The following CNGB3 variants were observed in gnomAD, a reference collection of about 807,000 sequenced individuals.
CNGB3 encodes the protein cyclic nucleotide gated channel subunit beta 3.
In CNGB3, 86 loss-of-function variants were observed where a neutral mutation model predicts 92.8. The ratio of observed to expected loss-of-function variants is 0.93; its 90% CI spans 0.78 to 1.11. The LOEUF is 1.11. Among genes scored for constraint, CNGB3 ranks in the 50% least tolerant of loss-of-function variants. CNGB3 has a pLI of 0.00. For synonymous variants in CNGB3, 333 were observed against 332.7 expected, an observed-to-expected ratio of 1.00 and a Z score of -0.01; for missense variants, 1,026 against 956.8, an observed-to-expected ratio of 1.07 and a Z score of -0.95.
intron 5 of CNGB3, 42 bp from the exon 6 acceptor site, chr8:86,667,175 A>G (rs1052699951): frequency 6.5e-7 from 1 of 1,546,264 alleles, no homozygotes; most frequent in Non-Finnish European, 8.9e-7. Flanking sequence ...GACATAGAAC[A>G]AACACAGAAA....
intron 6 of CNGB3, among the ~76,000 whole-genome samples, chr8:86,666,199 T>G (rs529433664): frequency 9.2e-5 from 14 of 152,270 alleles, no homozygotes; most frequent in Non-Finnish European, 1.8e-4. Flanking sequence ...AACAACTGCT[T>G]CACAGACTGT....
intron 13 of CNGB3, among the ~76,000 whole-genome samples, chr8:86,613,977 A>G (rs1462039694): frequency 6.7e-6 from 1 of 148,566 alleles, no homozygotes; most frequent in Non-Finnish European, 1.5e-5. Flanking sequence ...ATATATAATT[A>G]TATACATATA....
intron 2 of CNGB3, among the ~76,000 whole-genome samples, chr8:86,733,096 C>T (rs1021907328): frequency 6.6e-6 from 1 of 152,106 alleles, no homozygotes; most frequent in African/African-American, 2.4e-5. Flanking sequence ...TTCCCCCCAC[C>T]TTCCTCCCTC....
At chr8:86,700,543 T>C (rs925753557) in intron 3 of CNGB3, among the ~76,000 whole-genome samples, 8 of 152,248 alleles carry the variant, frequency 5.3e-5, no homozygotes, top group Non-Finnish European at 1.0e-4. Flanking sequence ...CTACTTCCTT[T>C]TCTCCTCACA....
At position 86,699,543 on chromosome 8, in the gene CNGB3, A is replaced by G. The variant is rs142196022; in HGVS notation, c.338+26988T>C. Among the ~76,000 whole-genome samples the G allele has an allele frequency of 8.5e-5, 13 of 152,316 alleles. No homozygotes were observed. The East Asian group carries it at 2.1e-3, about 25-fold the overall frequency. The stretch of plus-strand genomic sequence containing the variant: ...TATATTGCATATAAGTACCATTTCC[A>G]ATGAGCCATTTATTGGTACTTATGG... On this transcript the variant is annotated intron_variant, in intron 3 of 17. Transcript: ENST00000320005.
At chr8:86,606,603 C>A (rs1203244220) in intron 14 of CNGB3, among the ~76,000 whole-genome samples, 1 of 152,122 alleles carries the variant, frequency 6.6e-6, no homozygotes, top group Non-Finnish European at 1.5e-5. Flanking sequence ...CATTATCTGA[C>A]ATTTACATAG....
At chr8:86,624,725 G>A (rs146896293) in intron 13 of CNGB3, among the ~76,000 whole-genome samples, 2,054 of 152,292 alleles carry the variant, frequency 0.013, 44 homozygotes, top group African/African-American at 0.045. Flanking sequence ...AATCAGAGAG[G>A]CCTTTCTTGC....
intron 2 of CNGB3, among the ~76,000 whole-genome samples, chr8:86,731,088 C>T (rs1825147290): frequency 6.6e-6 from 1 of 152,096 alleles, no homozygotes; most frequent in South Asian, 2.1e-4. Flanking sequence ...CATAGAAATG[C>T]TATTACATAG....
At chr8:86,590,433 C>CAGTT in intron 15 of CNGB3, among the ~76,000 whole-genome samples, 1 of 151,448 alleles carries the variant, frequency 6.6e-6, no homozygotes, top group East Asian at 1.9e-4. Context: ...TCTTCCTAGT[C>CAGTT]TCGATGGTCT....
intron 3 of CNGB3, among the ~76,000 whole-genome samples, chr8:86,698,135 T>C (rs1824485724): frequency 6.6e-6 from 1 of 152,216 alleles, no homozygotes; most frequent in African/African-American, 2.4e-5. Context: ...GATAAAGCTG[T>C]GTGACCGATA....
At chr8:86,653,649 A>T (rs1364452434) in intron 7 of CNGB3, among the ~76,000 whole-genome samples, 1 of 152,142 alleles carries the variant, frequency 6.6e-6, no homozygotes, top group Non-Finnish European at 1.5e-5. Flanking sequence ...AGAACAAGAA[A>T]GAAGCGGGAG....
rs143835577 is a variant in CNGB3, at chr8:86,679,892, C to T, written c.339-8794G>A. 3.5e-3 allele frequency among the ~76,000 whole-genome samples: 529 copies of T among 152,210 alleles called. 4 individuals are homozygous for T. The highest frequency in any genetic ancestry group is 0.012 in the African/African-American group (507 of 41,528). ...GCACTTTCTTTCATCTCATTCACAG[C>T]GGAAAGTCCATATGGAAATACAGCA... On this transcript the variant is annotated intron_variant, in intron 3 of 17. Coordinates refer to ENST00000320005, the MANE Select transcript of CNGB3 (RefSeq NM_019098.5).
At chr8:86,736,596 G>A (rs962017659) in intron 2 of CNGB3, among the ~76,000 whole-genome samples, 3 of 152,070 alleles carry the variant, frequency 2.0e-5, no homozygotes, top group Non-Finnish European at 2.9e-5. Flanking sequence ...AAAAAGAATT[G>A]TAGTTTGAAT....
chr8:86,594,471 G>A (rs899747180), intron 15 of CNGB3: 2 of 281,944 alleles, frequency 7.1e-6, no homozygotes, highest in Non-Finnish European at 1.4e-5. Context: ...GTAAAGACGT[G>A]GTCCAGGAGG....
At chr8:86,636,812 G>T (rs1016693368) in intron 10 of CNGB3, among the ~76,000 whole-genome samples, 1 of 151,984 alleles carries the variant, frequency 6.6e-6, no homozygotes, top group African/African-American at 2.4e-5. Flanking sequence ...GACTCTTTTA[G>T]ATTCCACATA....
At chr8:86,728,734 C>A (rs1029257230) in intron 2 of CNGB3, among the ~76,000 whole-genome samples, 4 of 152,140 alleles carry the variant, frequency 2.6e-5, no homozygotes, top group Non-Finnish European at 5.9e-5. Context: ...TCAAAGGAGT[C>A]CGGACCAAGA....
Position 86,668,046 on chromosome 8 carries a change from G to A in CNGB3, c.616C>T (p.Leu206Phe). The A allele has an allele frequency of 6.2e-7, 1 of 1,614,000 alleles. No individual in the cohort carries two copies. The highest frequency in any genetic ancestry group is 1.3e-5 in the African/African-American group (1 of 75,000). The change falls in exon 5 of 18, where the codon CTT (leucine) becomes TTT (phenylalanine). Residue 206 changes from leucine (L) to phenylalanine (F), a missense_variant. Transcript: ENST00000320005. Reference sequence around the variant, plus strand: ...GTGTATGAATCTATGCTGTTTGGAAGTTTAATTCGCTTTAAGTACTCTGTT... The same window carrying A: ...GTGTATGAATCTATGCTGTTTGGAAATTTAATTCGCTTTAAGTACTCTGTT... ...PLTEYLKRIK[L>F]PNSIDSYTDR...
intron 12 of CNGB3, 37 bp downstream of exon 12, chr8:86,628,882 G>C: frequency 1.2e-6 from 2 of 1,609,956 alleles, no homozygotes; most frequent in Non-Finnish European, 1.7e-6. Flanking sequence ...ATATGACAAG[G>C]TTTACAGGAA....
chr8:86,597,745 C>T (rs200396067), intron 15 of CNGB3, among the ~76,000 whole-genome samples: 3 of 151,980 alleles, frequency 2.0e-5, no homozygotes, highest in South Asian at 2.1e-4. Flanking sequence ...TCTGGGAGGC[C>T]GAGGCAGGTG....
Sources: allele counts gnomAD v4.1 joint callset (sites outside exome capture counted in the v4.1 genomes callset), GRCh38; gene constraint gnomAD v4.1.1; transcripts MANE v1.5; gene names NCBI Gene and HGNC (gene_info 2026-07-23, HGNC 2026-07-21).